TAFA2: variants seen among roughly 807,000 people sequenced by gnomAD.
TAFA2 encodes chemokine-like protein TAFA-2.
TAFA2 carries 7 observed loss-of-function variants against 18.8 expected under a neutral mutation model. The ratio of observed to expected loss-of-function variants is 0.37; its 90% confidence interval spans 0.21 to 0.70. TAFA2 has a LOEUF of 0.70. TAFA2 is among the 30% of genes least tolerant of loss of function. TAFA2 has a pLI of 0.53. For synonymous variants in TAFA2, 60 were observed against 54.2 expected (o/e 1.11, Z -0.47); for missense variants, 122 against 158.1 (o/e 0.77, Z 1.23).
intron 2 of TAFA2, among the ~76,000 whole-genome samples, chr12:61,758,830 AC>A (rs1175265445): frequency 1.3e-5 from 2 of 151,946 alleles, no homozygotes; most frequent in Non-Finnish European, 2.9e-5. Context: ...GATTTAGGGA[AC>A]CAGGGATGTG....
chr12:61,896,958 C>T (rs1211491227), intron 1 of TAFA2, among the ~76,000 whole-genome samples: 1 of 152,110 alleles, frequency 6.6e-6, no homozygotes, highest in Non-Finnish European at 1.5e-5. Context: ...TATCTTATCT[C>T]TATTGAGGGT....
intron 1 of TAFA2, among the ~76,000 whole-genome samples, chr12:62,219,564 G>A (rs1164517463): frequency 6.6e-6 from 1 of 152,112 alleles, no homozygotes; most frequent in Non-Finnish European, 1.5e-5. Context: ...TTGAACCTTT[G>A]AAATTGGGTG....
At chr12:62,229,670 T>G (rs181534398) in intron 1 of TAFA2, among the ~76,000 whole-genome samples, 2 of 152,082 alleles carry the variant, frequency 1.3e-5, no homozygotes, top group East Asian at 1.9e-4. Context: ...GCCTGTATTT[T>G]CTTTTTTTTT....
At chr12:62,057,304 G>T (rs561912977) in intron 1 of TAFA2, among the ~76,000 whole-genome samples, 1 of 151,806 alleles carries the variant, frequency 6.6e-6, no homozygotes, top group Non-Finnish European at 1.5e-5. Flanking sequence ...TCTCAGTTTT[G>T]TCCCTTCTTT....
chr12:62,183,212 AC>A (rs1024470385), intron 1 of TAFA2, among the ~76,000 whole-genome samples: 1 of 152,032 alleles, frequency 6.6e-6, no homozygotes, highest in Non-Finnish European at 1.5e-5. Flanking sequence ...CTGTTCCCCC[AC>A]CCCACAACCA....
At chr12:62,103,394 T>G (rs1197634541) in intron 1 of TAFA2, among the ~76,000 whole-genome samples, 1 of 152,224 alleles carries the variant, frequency 6.6e-6, no homozygotes, top group Admixed American at 6.5e-5. Flanking sequence ...GTCCAATATA[T>G]GAAGGGTGTC....
chr12:61,731,862 A>G lies in TAFA2; in HGVS notation c.385-21445T>C, dbSNP rs376399007. Among the ~76,000 whole-genome samples, 13 of 152,180 alleles carry G rather than the reference A, an allele frequency of 8.5e-5. No individual in the cohort carries two copies. In the South Asian group the frequency reaches 1.2e-3, roughly 15 times the overall value. ...GGCTTCAAAACCAGTGAAACAGGTT[A>G]TGTGTTCTAGGTTCTTCTATTTCTT... is the stretch of plus-strand genomic sequence containing the variant. On this transcript the variant is annotated intron_variant, in intron 4 of 4. Transcript: ENST00000416284.
chr12:62,129,073 A>G (rs148342776), intron 1 of TAFA2, among the ~76,000 whole-genome samples: 43 of 152,204 alleles, frequency 2.8e-4, no homozygotes, highest in African/African-American at 1.0e-3. Flanking sequence ...TAAGTCACTG[A>G]CCAATAAATA....
At chr12:61,908,731 C>T (rs1208630499) in intron 1 of TAFA2, among the ~76,000 whole-genome samples, 4 of 152,094 alleles carry the variant, frequency 2.6e-5, no homozygotes, top group Non-Finnish European at 5.9e-5. Context: ...TATTAAAGAA[C>T]ATGAACCTAT....
chr12:61,914,704 A>T (rs1182690722), intron 1 of TAFA2, among the ~76,000 whole-genome samples: 1 of 152,196 alleles, frequency 6.6e-6, no homozygotes, highest in Non-Finnish European at 1.5e-5. Flanking sequence ...TTATTTATTC[A>T]TTCATTTCAC....
At chr12:62,138,671 C>G (rs1238363192) in intron 1 of TAFA2, among the ~76,000 whole-genome samples, 2 of 152,166 alleles carry the variant, frequency 1.3e-5, no homozygotes, top group African/African-American at 4.8e-5. Context: ...AGGGCTGCCT[C>G]TCAACACTCC....
chr12:62,046,224 T>C (rs550045223), intron 1 of TAFA2, among the ~76,000 whole-genome samples: 1 of 152,256 alleles, frequency 6.6e-6, no homozygotes, highest in Admixed American at 6.6e-5. Context: ...CCGTGTTTGG[T>C]GTGTATCAGA....
In TAFA2 at chr12:61,754,856, A is replaced by G. The variant is rs769905728; in HGVS notation, c.259+16T>C. 1.2e-6 allele frequency: 2 copies of G among 1,611,620 alleles called. No individual in the cohort carries two copies. Among genetic ancestry groups the G allele is most frequent in the Non-Finnish European group, 1.7e-6 (2 of 1,178,880 alleles). Reference sequence around the variant, plus strand: ...CTTGGCTGTGCTGTTACAATAAGGAATGGAAGAAGTCACACCATCCACACA... The same window carrying G: ...CTTGGCTGTGCTGTTACAATAAGGAGTGGAAGAAGTCACACCATCCACACA... On this transcript the variant is annotated intron_variant, in intron 3 of 4. Transcript: ENST00000416284.
At chr12:61,749,882 A>T (rs1447694759) in intron 4 of TAFA2, among the ~76,000 whole-genome samples, 1 of 152,054 alleles carries the variant, frequency 6.6e-6, no homozygotes, top group Non-Finnish European at 1.5e-5. Context: ...AACTGCACTG[A>T]CCACTGTATT....
rs559987610 is a variant in TAFA2 at position 62,055,427 on chromosome 12, A to G, written c.-2+135832T>C. 2.6e-5 allele frequency among the ~76,000 whole-genome samples: 4 copies of G among 152,330 alleles called. No homozygotes were observed. In the South Asian group the frequency reaches 8.3e-4, roughly 32 times the overall value. ...ATTTAGTCAACTTATTACAATGATA[A>G]GTATAAATATTTCTACATTGTCTCC... On this transcript the variant is annotated intron_variant, in intron 1 of 4. Coordinates refer to ENST00000416284, the MANE Select transcript of TAFA2 (RefSeq NM_178539.5).
At chr12:61,884,178 T>C (rs1875267175) in intron 1 of TAFA2, among the ~76,000 whole-genome samples, 2 of 152,146 alleles carry the variant, frequency 1.3e-5, no homozygotes, top group Non-Finnish European at 2.9e-5. Context: ...TAAAGTGTAT[T>C]AAGCGGAGGA....
At chr12:62,225,822 A>G (rs1321581812) in intron 1 of TAFA2, among the ~76,000 whole-genome samples, 2 of 152,216 alleles carry the variant, frequency 1.3e-5, no homozygotes, top group Admixed American at 6.5e-5. Context: ...TTAATAACAC[A>G]TTCTTGGCAA....
intron 1 of TAFA2, among the ~76,000 whole-genome samples, chr12:61,913,357 C>T (rs1876690009): frequency 6.6e-6 from 1 of 152,172 alleles, no homozygotes; most frequent in Non-Finnish European, 1.5e-5. Flanking sequence ...AAGCCTCTAA[C>T]ATTTGTCAAA....
intron 1 of TAFA2, among the ~76,000 whole-genome samples, chr12:62,011,146 C>G (rs558566462): frequency 6.7e-6 from 1 of 150,202 alleles, no homozygotes; most frequent in African/African-American, 2.4e-5. Flanking sequence ...CCGGCCGCCC[C>G]GTCTGGGAAA....
Sources: gnomAD v4.1 joint callset for allele counts (sites outside exome capture counted in the v4.1 genomes callset) on GRCh38, gnomAD v4.1.1 for gene constraint, MANE v1.5 for transcripts, NCBI Gene and HGNC (gene_info 2026-07-23, HGNC 2026-07-21) for gene names.